The following GAS7 variants were observed in gnomAD, a reference collection of about 807,000 sequenced individuals.
GAS7 encodes the protein growth arrest specific 7.
GAS7 carries 28 observed loss-of-function variants against 71.1 expected under a neutral mutation model. The ratio of observed to expected loss-of-function variants is 0.39; its 90% confidence interval spans 0.29 to 0.54. The LOEUF is 0.54. Among genes scored for constraint, GAS7 ranks in the 20% least tolerant of loss-of-function variants. The pLI, the probability that GAS7 is intolerant of heterozygous loss-of-function variation, is 0.62. For missense variants in GAS7, 436 were observed against 627.8 expected, an observed-to-expected ratio of 0.69 and a Z score of 3.27; for synonymous variants, 258 against 245.8, an observed-to-expected ratio of 1.05 and a Z score of -0.46.
intron 1 of GAS7, among the ~76,000 whole-genome samples, chr17:10,110,059 A>G (rs1019409206): frequency 1.3e-5 from 2 of 151,742 alleles, no homozygotes; most frequent in Non-Finnish European, 2.9e-5. Context: ...GTCTCAAAAA[A>G]AAAAAAAAAA....
intron 2 of GAS7, among the ~76,000 whole-genome samples, chr17:10,018,336 G>T (rs72807388): frequency 0.13 from 19,919 of 152,056 alleles, 1,410 homozygotes; most frequent in East Asian, 0.19. Context: ...AGCTTATTTG[G>T]GACAATAACG....
intron 3 of GAS7, among the ~76,000 whole-genome samples, chr17:9,973,148 A>G (rs983460205): frequency 6.6e-6 from 1 of 152,270 alleles, no homozygotes; most frequent in African/African-American, 2.4e-5. Context: ...GTGCATCACA[A>G]CAATAAAAAC....
chr17:9,918,156 C>A (rs1434833246), intron 12 of GAS7, 57 bp from the exon 13 acceptor site: 1 of 1,282,698 alleles, frequency 7.8e-7, no homozygotes, highest in East Asian at 2.3e-5. Flanking sequence ...CTTGGGGGTC[C>A]CCCCACCAAG....
rs1020320486 is a variant in GAS7 at position 9,969,140 on chromosome 17, G to A, written c.471+537C>T. Among the ~76,000 whole-genome samples the A allele has an allele frequency of 5.9e-5, 9 of 152,250 alleles. No individual in the cohort carries two copies. The highest frequency in any genetic ancestry group is 4.6e-4 in the Admixed American group (7 of 15,288). On this transcript the variant is annotated intron_variant, in intron 4 of 13. Coordinates refer to ENST00000432992, the MANE Select transcript of GAS7 (RefSeq NM_201433.2). This position sits in a 1 kb window ranked among gnomAD's most constrained non-coding sequence, Gnocchi z 5.5. ...ATGCATACCTTGAGTTGTTACTGAC[G>A]CCTAACTCACATGTTTGCATAAACA...
intron 5 of GAS7, among the ~76,000 whole-genome samples, chr17:9,947,361 A>G (rs150740317): frequency 0.011 from 1,679 of 152,294 alleles, 80 homozygotes; most frequent in Admixed American, 0.077. Context: ...AAACAACTCC[A>G]ATGTCCATCA....
At chr17:9,922,668 G>A (rs1402069870) in intron 11 of GAS7, among the ~76,000 whole-genome samples, 2 of 151,912 alleles carry the variant, frequency 1.3e-5, no homozygotes, top group Non-Finnish European at 2.9e-5. Context: ...ATAAAACTAT[G>A]TAAAAAAAAA....
At chr17:10,053,473 C>T (rs971832364) in intron 1 of GAS7, among the ~76,000 whole-genome samples, 1 of 152,140 alleles carries the variant, frequency 6.6e-6, no homozygotes, top group Non-Finnish European at 1.5e-5. Flanking sequence ...GGCATATTTT[C>T]ACCCAAGGAC....
At chr17:10,182,455 C>T (rs1395268782) in intron 1 of GAS7, among the ~76,000 whole-genome samples, 25 of 152,188 alleles carry the variant, frequency 1.6e-4, no homozygotes, top group African/African-American at 3.4e-4. Flanking sequence ...GCACCGCACC[C>T]GGCCTTATTC....
rs566786171 is a variant in GAS7 at position 10,168,424 on chromosome 17, T to G, written c.183+29784A>C. Among the ~76,000 whole-genome samples the G allele has an allele frequency of 1.8e-4, 27 of 152,362 alleles. No homozygotes were observed. In the South Asian group the frequency reaches 2.5e-3, roughly 14 times the overall value. On this transcript the variant is annotated intron_variant, in intron 1 of 13. Coordinates refer to ENST00000432992, the MANE Select transcript of GAS7 (RefSeq NM_201433.2). ...TAGAATAATTCTGGGTTTTTCAACC[T>G]TTTTTCATTACTGCCCTCTCTAAGG...
intron 1 of GAS7, among the ~76,000 whole-genome samples, chr17:10,058,142 C>G (rs1380002758): frequency 2.6e-5 from 4 of 152,226 alleles, no homozygotes; most frequent in Admixed American, 2.0e-4. Flanking sequence ...CCTAGGAAAA[C>G]CAGAGACCCT....
intron 1 of GAS7, among the ~76,000 whole-genome samples, chr17:10,045,213 G>A (rs1170520141): frequency 6.6e-6 from 1 of 152,162 alleles, no homozygotes; most frequent in East Asian, 1.9e-4. Context: ...AGGGAAGCAA[G>A]ATCTTTAGAT....
rs1019278937 is a variant in GAS7, at chr17:10,054,389, C to T, written c.184-34492G>A. Among the ~76,000 whole-genome samples the T allele has an allele frequency of 6.6e-5, 10 of 152,118 alleles. No homozygotes were observed. In the South Asian group the frequency reaches 8.3e-4, roughly 13 times the overall value. On this transcript the variant is annotated intron_variant, in intron 1 of 13. Transcript: ENST00000432992. ...ATCAGCATATTGTTGCCAAGCAGGGCGGCAGGCTTGGTGTTGCTAGAGCAT... is the reference window on the plus strand; with the variant it reads ...ATCAGCATATTGTTGCCAAGCAGGGTGGCAGGCTTGGTGTTGCTAGAGCAT...
intron 1 of GAS7, among the ~76,000 whole-genome samples, chr17:10,165,228 C>T (rs2074284930): frequency 7.0e-6 from 1 of 142,784 alleles, no homozygotes; most frequent in Admixed American, 7.2e-5. Flanking sequence ...GGAGGCAGAG[C>T]TTGCAGTGAG....
intron 1 of GAS7, among the ~76,000 whole-genome samples, chr17:10,043,600 A>T (rs1329108246): frequency 6.6e-6 from 1 of 152,176 alleles, no homozygotes; most frequent in Non-Finnish European, 1.5e-5. Flanking sequence ...AAAGTAAGCT[A>T]GAGAAAAATA....
intron 2 of GAS7, among the ~76,000 whole-genome samples, chr17:10,005,029 C>A (rs112426709): frequency 0.011 from 1,440 of 125,486 alleles, 29 homozygotes; most frequent in South Asian, 0.077. Flanking sequence ...CTCTCTCTCT[C>A]TATATATACA....
chr17:10,010,553 A>G (rs2071729409), intron 2 of GAS7, among the ~76,000 whole-genome samples: 2 of 152,206 alleles, frequency 1.3e-5, no homozygotes, highest in East Asian at 3.9e-4. Flanking sequence ...CTGCAACTAC[A>G]GATACCCTCA....
chr17:10,136,371 G>C (rs1383861227), intron 1 of GAS7, among the ~76,000 whole-genome samples: 2 of 152,198 alleles, frequency 1.3e-5, no homozygotes, highest in African/African-American at 4.8e-5. Flanking sequence ...CAGAGGTTTG[G>C]AGAGTTGCTG....
rs77081311 is a variant in GAS7 at position 10,037,582 on chromosome 17, C to T, written c.184-17685G>A. On this transcript the variant is annotated intron_variant, in intron 1 of 13. Coordinates refer to ENST00000432992, the MANE Select transcript of GAS7 (RefSeq NM_201433.2). ...GTCGGGGGAAGAAAATAAGTACAATCGTCTAAGGATGGAGTCAGACCAGAG... is the reference window on the plus strand; with the variant it reads ...GTCGGGGGAAGAAAATAAGTACAATTGTCTAAGGATGGAGTCAGACCAGAG... 6.3e-3 allele frequency among the ~76,000 whole-genome samples: 965 copies of T among 152,222 alleles called. 29 individuals carry two copies. The East Asian group carries it at 0.1, about 16-fold the overall frequency.
intron 4 of GAS7, among the ~76,000 whole-genome samples, chr17:9,967,571 C>T (rs954629963): frequency 6.6e-6 from 1 of 151,870 alleles, no homozygotes; most frequent in African/African-American, 2.4e-5. Flanking sequence ...TATAGATTTC[C>T]TTCTGCCAAA....
Sources: gnomAD v4.1 joint callset for allele counts (sites outside exome capture counted in the v4.1 genomes callset) on GRCh38, gnomAD v4.1.1 for gene constraint, Gnocchi (gnomAD v3.1) non-coding constraint, MANE v1.5 for transcripts, NCBI Gene and HGNC (gene_info 2026-07-23, HGNC 2026-07-21) for gene names.